The following IFTAP variants were observed in gnomAD, a reference collection of about 807,000 sequenced individuals.
IFTAP encodes intraflagellar transport-associated protein.
Under a neutral mutation model 19.4 loss-of-function variants are expected in IFTAP, and 19 were observed. The observed-to-expected ratio is 0.98, with a 90% CI of 0.68 to 1.44. The LOEUF is 1.44. Among genes scored for constraint, IFTAP ranks in the 40% most tolerant of loss-of-function variants. IFTAP has a pLI of 0.00. For missense variants in IFTAP, 240 were observed against 253.6 expected (o/e 0.95, Z 0.36); for synonymous variants, 85 against 83.5 (o/e 1.02, Z -0.10).
At chr11:36,605,005 G>C (rs1851641365) in intron 1 of IFTAP, among the ~76,000 whole-genome samples, 2 of 151,272 alleles carry the variant, frequency 1.3e-5, no homozygotes, top group African/African-American at 4.9e-5. Flanking sequence ...AATCACATCT[G>C]TGCAGCCTAT....
At position 36,647,563 on chromosome 11, in the gene IFTAP, G is replaced by A. The variant is rs563723146; in HGVS notation, c.359-453G>A. 1.7e-3 allele frequency among the ~76,000 whole-genome samples: 254 copies of A among 152,002 alleles called. 1 individual carries two copies. The highest frequency in any genetic ancestry group is 3.2e-3 in the Non-Finnish European group (220 of 68,010). ...TGAAAGTTAAAGTACTTTCCTTCTGGCATTACTGTTTTTTAACATATATTT... is the reference window on the plus strand; with the variant it reads ...TGAAAGTTAAAGTACTTTCCTTCTGACATTACTGTTTTTTAACATATATTT... On this transcript the variant is annotated intron_variant, in intron 4 of 5. Coordinates refer to ENST00000334307, the MANE Select transcript of IFTAP (RefSeq NM_138787.4).
intron 1 of IFTAP, among the ~76,000 whole-genome samples, chr11:36,602,972 G>C (rs566773617): frequency 6.6e-6 from 1 of 152,160 alleles, no homozygotes; most frequent in African/African-American, 2.4e-5. Context: ...ATGATAGGGA[G>C]TGAGTGGGGA....
intron 2 of IFTAP, among the ~76,000 whole-genome samples, chr11:36,621,401 CT>C (rs922438177): frequency 4.0e-5 from 6 of 151,742 alleles, no homozygotes; most frequent in South Asian, 2.1e-4. Flanking sequence ...TTTTTAGTGT[CT>C]TTTTTTTCCT....
At chr11:36,596,635 A>T (rs1392612343) in intron 1 of IFTAP, among the ~76,000 whole-genome samples, 1 of 152,178 alleles carries the variant, frequency 6.6e-6, no homozygotes, top group Non-Finnish European at 1.5e-5. Flanking sequence ...TTATGATCAG[A>T]GAGTTGTCCC....
chr11:36,607,665 T>TC (rs150304215), intron 1 of IFTAP, among the ~76,000 whole-genome samples: 23,326 of 151,704 alleles, frequency 0.15, 2,593 homozygotes, highest in African/African-American at 0.31. Context: ...ACAGTTGTAA[T>TC]CCCCCCTTTT....
intron 5 of IFTAP, among the ~76,000 whole-genome samples, chr11:36,655,090 A>G (rs936603099): frequency 2.6e-5 from 4 of 152,090 alleles, no homozygotes; most frequent in African/African-American, 9.7e-5. Flanking sequence ...CCTGCTTTCA[A>G]AAAATTCTTC....
intron 5 of IFTAP, among the ~76,000 whole-genome samples, chr11:36,650,709 C>T (rs1405572526): frequency 2.6e-5 from 4 of 152,044 alleles, no homozygotes; most frequent in Non-Finnish European, 4.4e-5. Context: ...TCCCCCCTTC[C>T]CCCACCCCAC....
At chr11:36,611,681 A>G (rs1357795997) in intron 2 of IFTAP, among the ~76,000 whole-genome samples, 1 of 152,154 alleles carries the variant, frequency 6.6e-6, no homozygotes, top group Non-Finnish European at 1.5e-5. Flanking sequence ...TTAAACAAAA[A>G]ACATAGATGT....
At chr11:36,635,332 T>A (rs770723357) in intron 3 of IFTAP, among the ~76,000 whole-genome samples, 1 of 152,198 alleles carries the variant, frequency 6.6e-6, no homozygotes, top group Admixed American at 6.5e-5. Flanking sequence ...TTGAGATGAA[T>A]TAGTTCATGT....
At chr11:36,641,313 C>G (rs940779906) in intron 4 of IFTAP, among the ~76,000 whole-genome samples, 5 of 151,910 alleles carry the variant, frequency 3.3e-5, no homozygotes, top group African/African-American at 1.2e-4. Context: ...AGTAATGATT[C>G]CAATATACAA....
chr11:36,621,988 A>G (rs576886252), intron 2 of IFTAP, among the ~76,000 whole-genome samples: 10 of 152,154 alleles, frequency 6.6e-5, no homozygotes, highest in African/African-American at 2.2e-4. Context: ...TAGATTGAAT[A>G]AACAGCCTAT....
rs150728761 is a variant in IFTAP at position 36,657,423 on chromosome 11, T to A, written c.499-1596T>A. Among the ~76,000 whole-genome samples, 953 of 152,308 alleles carry A rather than the reference T, an allele frequency of 6.3e-3. 11 individuals carry two copies. Among genetic ancestry groups the A allele is most frequent in the African/African-American group, 0.022 (924 of 41,560 alleles). ...TGATCAGCCTTGCAGGCTGATTTGC[T>A]TTTTGTGTACAGCTGGGTTTTAAGA... On this transcript the variant is annotated intron_variant, in intron 5 of 5. Coordinates refer to ENST00000334307, the MANE Select transcript of IFTAP (RefSeq NM_138787.4).
At chr11:36,625,823 T>G (rs2133429648) in intron 2 of IFTAP, among the ~76,000 whole-genome samples, 1 of 152,284 alleles carries the variant, frequency 6.6e-6, no homozygotes, top group South Asian at 2.1e-4. Context: ...GTTGCAATTT[T>G]ATATAGTATG....
intron 2 of IFTAP, among the ~76,000 whole-genome samples, chr11:36,621,092 A>G (rs1166636839): frequency 6.6e-6 from 1 of 151,964 alleles, no homozygotes; most frequent in Non-Finnish European, 1.5e-5. Context: ...TTTGTTTTAT[A>G]TGCATTTCTC....
rs546172887 is a variant in IFTAP, at chr11:36,643,037, G to A, written c.359-4979G>A. On this transcript the variant is annotated intron_variant, in intron 4 of 5. Coordinates refer to ENST00000334307, the MANE Select transcript of IFTAP (RefSeq NM_138787.4). The stretch of plus-strand genomic sequence containing the variant: ...ATCAGGCAGGAGAAAGAAATAAAGG[G>A]TATTCAGTTAGGAAAAGAGGAAGTC... 6.6e-4 allele frequency among the ~76,000 whole-genome samples: 101 copies of A among 152,236 alleles called. 1 individual carries two copies. In the South Asian group the frequency reaches 0.02, roughly 30 times the overall value.
At chr11:36,628,962 A>C (rs1462538834) in intron 2 of IFTAP, among the ~76,000 whole-genome samples, 3 of 151,358 alleles carry the variant, frequency 2.0e-5, no homozygotes, top group Non-Finnish European at 4.4e-5. Flanking sequence ...AGGAACATAA[A>C]ACAGTTGGAA....
chr11:36,610,359 G>A lies in IFTAP; in HGVS notation c.136+120G>A, dbSNP rs928399657. ...GAACATTCATTCCATTCGTTTATCA[G>A]GTAATTCTTACTAGGGCACTCGTGA... On this transcript the variant is annotated intron_variant, in intron 2 of 5. Coordinates refer to ENST00000334307, the MANE Select transcript of IFTAP (RefSeq NM_138787.4). The A allele has an allele frequency of 4.1e-5, 40 of 981,034 alleles. 1 individual carries two copies. In the Admixed American group the frequency reaches 1.1e-3, roughly 27 times the overall value. The allele number at this position is 981,034 out of a possible 1,614,324, so 60.8% of individuals were successfully genotyped here. A position where few individuals can be genotyped will look rare whatever the true frequency, so the allele number is the denominator to read the frequency against.
chr11:36,653,271 G>A (rs913417086), intron 5 of IFTAP, among the ~76,000 whole-genome samples: 1 of 152,100 alleles, frequency 6.6e-6, no homozygotes, highest in African/African-American at 2.4e-5. Flanking sequence ...AGTCACATGA[G>A]AAATTTTAAG....
chr11:36,636,413 C>G (rs1852954953), intron 4 of IFTAP, among the ~76,000 whole-genome samples: 1 of 152,178 alleles, frequency 6.6e-6, no homozygotes, highest in African/African-American at 2.4e-5. Context: ...TGTAAGTCAA[C>G]TCTGTTTCCT....
Sources: gnomAD v4.1 joint callset for allele counts (sites outside exome capture counted in the v4.1 genomes callset) on GRCh38, gnomAD v4.1.1 for gene constraint, MANE v1.5 for transcripts, NCBI Gene and HGNC (gene_info 2026-07-23, HGNC 2026-07-21) for gene names.